ANK2: variants seen among roughly 807,000 people sequenced by gnomAD.
The protein encoded by ANK2 is ankyrin 2.
In ANK2, 83 loss-of-function variants were observed where a neutral mutation model predicts 360.5. That is an observed-to-expected ratio of 0.23 (90% CI 0.19 to 0.28). ANK2 has a LOEUF of 0.28. ANK2 is among the 10% of genes least tolerant of loss of function. The pLI is 1.00. For missense variants in ANK2, 4,201 were observed against 4,795.7 expected, an observed-to-expected ratio of 0.88 and a Z score of 3.66; for synonymous variants, 1,740 against 1,759.5, an observed-to-expected ratio of 0.99 and a Z score of 0.28.
At chr4:112,882,091 C>G (rs935933779) in intron 1 of ANK2, 4 of 340,256 alleles carry the variant, frequency 1.2e-5, no homozygotes, top group African/African-American at 6.3e-5. Flanking sequence ...AAAGCTCAGC[C>G]CTCCCATGAA....
At chr4:112,922,888 A>C (rs2154221567) in intron 2 of ANK2, among the ~76,000 whole-genome samples, 2 of 152,212 alleles carry the variant, frequency 1.3e-5, no homozygotes, top group East Asian at 3.8e-4. Flanking sequence ...TTCTTATTTT[A>C]GGTTATCTCC....
At chr4:112,976,419 C>T (rs2041439044) in intron 2 of ANK2, among the ~76,000 whole-genome samples, 1 of 152,110 alleles carries the variant, frequency 6.6e-6, no homozygotes, top group Non-Finnish European at 1.5e-5. Flanking sequence ...GTCTTGAACT[C>T]CTGACCTCAT....
At chr4:113,215,692 T>C (rs572047537) in intron 4 of ANK2, among the ~76,000 whole-genome samples, 154 of 152,280 alleles carry the variant, frequency 1.0e-3, no homozygotes, top group African/African-American at 3.7e-3. Flanking sequence ...AATATATTCA[T>C]TAACTATATA....
upstream of ANK2, among the ~76,000 whole-genome samples, chr4:112,816,501 T>C (rs1452474754): frequency 2.0e-5 from 3 of 151,980 alleles, no homozygotes; most frequent in Non-Finnish European, 4.4e-5. Flanking sequence ...ATTATTTCCA[T>C]AAAAATATGC....
intron 1 of ANK2, among the ~76,000 whole-genome samples, chr4:113,060,398 G>A (rs2072601141): frequency 6.6e-6 from 1 of 151,998 alleles, no homozygotes; most frequent in East Asian, 1.9e-4. Flanking sequence ...ATAACGTGAT[G>A]AGTAGATAGT....
chr4:112,872,116 T>A (rs2073311257), intron 1 of ANK2, among the ~76,000 whole-genome samples: 1 of 150,918 alleles, frequency 6.6e-6, no homozygotes, highest in African/African-American at 2.4e-5. Flanking sequence ...AGCCTTGACC[T>A]CCCGGGCTCA....
chr4:113,272,519 T>A (rs894397339), intron 14 of ANK2, among the ~76,000 whole-genome samples: 1 of 152,240 alleles, frequency 6.6e-6, no homozygotes, highest in Non-Finnish European at 1.5e-5. Context: ...GGTTACAGGT[T>A]GAAAGATTTT....
chr4:112,791,782 C>T, the ANK2 span, among the ~76,000 whole-genome samples: 4 of 151,768 alleles, frequency 2.6e-5, no homozygotes, highest in South Asian at 2.1e-4. Context: ...TGAGCCACCG[C>T]GCCCAGCCTA....
At chr4:112,912,583 CT>C (rs1239892677) in intron 2 of ANK2, among the ~76,000 whole-genome samples, 5 of 151,900 alleles carry the variant, frequency 3.3e-5, no homozygotes, top group African/African-American at 1.2e-4. Flanking sequence ...GAAAAGTAAC[CT>C]GGAAAATATC....
chr4:113,372,497 A>AATGCTT, intron 43 of ANK2: 1 of 1,310,628 alleles, frequency 7.6e-7, no homozygotes, highest in Non-Finnish European at 1.1e-6. Context: ...ATTCCTTAGC[A>AATGCTT]TGTTAAACAA....
the ANK2 span, among the ~76,000 whole-genome samples, chr4:112,734,087 T>A: frequency 6.6e-6 from 1 of 152,188 alleles, no homozygotes; most frequent in Non-Finnish European, 1.5e-5. Flanking sequence ...CAGAGATTAC[T>A]TATATGATGT....
intron 1 of ANK2, among the ~76,000 whole-genome samples, chr4:112,869,001 C>CCTAGG (rs1311460903): frequency 5.3e-5 from 8 of 151,972 alleles, no homozygotes; most frequent in Non-Finnish European, 1.2e-4. Context: ...CACTCTGTCA[C>CCTAGG]CTAGGCTGGA....
At chr4:113,251,028 T>C (rs558970827) in intron 10 of ANK2, among the ~76,000 whole-genome samples, 1 of 152,296 alleles carries the variant, frequency 6.6e-6, no homozygotes, top group South Asian at 2.1e-4. Flanking sequence ...ATACTGTGAA[T>C]GTTGTATAGA....
At chr4:112,763,088 A>G in the ANK2 span, among the ~76,000 whole-genome samples, 5 of 152,208 alleles carry the variant, frequency 3.3e-5, no homozygotes, top group African/African-American at 1.2e-4. Flanking sequence ...CATGTGATGA[A>G]TAATCATTTA....
the ANK2 span, among the ~76,000 whole-genome samples, chr4:112,780,519 T>G: frequency 6.6e-6 from 1 of 152,218 alleles, no homozygotes; most frequent in Non-Finnish European, 1.5e-5. Flanking sequence ...CTCTGTATAG[T>G]ATAATATTAA....
At chr4:113,164,171 G>A (rs896930119) in intron 1 of ANK2, among the ~76,000 whole-genome samples, 11 of 152,184 alleles carry the variant, frequency 7.2e-5, no homozygotes, top group African/African-American at 2.2e-4. Context: ...AGGCCAAGGC[G>A]GGAGATATTT....
intron 1 of ANK2, among the ~76,000 whole-genome samples, chr4:112,896,375 A>G (rs903986160): frequency 1.1e-4 from 16 of 152,324 alleles, no homozygotes; most frequent in African/African-American, 3.8e-4. Flanking sequence ...TCCTACCTTC[A>G]GTCTGTTGTT....
chr4:112,797,439 C>G, the ANK2 span: 3,208 of 157,126 alleles, frequency 0.02, 51 homozygotes, highest in South Asian at 0.059. Flanking sequence ...TTCCAACTCC[C>G]GTAAGACTCC....
At chr4:112,844,020 A>C (rs2062746666) in intron 1 of ANK2, among the ~76,000 whole-genome samples, 2 of 152,206 alleles carry the variant, frequency 1.3e-5, no homozygotes, top group Admixed American at 1.3e-4. Flanking sequence ...TAGACAACAC[A>C]AAATTGTTCT....
Sources: allele counts gnomAD v4.1 joint callset (sites outside exome capture counted in the v4.1 genomes callset), GRCh38; gene constraint gnomAD v4.1.1; transcripts MANE v1.5; gene names NCBI Gene and HGNC (gene_info 2026-07-23, HGNC 2026-07-21).